Variants in GNB1 observed in about 807,000 individuals in gnomAD.
GNB1 encodes G protein subunit beta 1, also known as guanine nucleotide-binding protein G(I)/G(S)/G(T) subunit beta-1.
A neutral mutation model predicts 42.9 loss-of-function variants in GNB1; 2 were observed. The observed-to-expected ratio is 0.05, with a 90% CI of 0.02 to 0.15. The LOEUF is 0.15. GNB1 is among the 10% of genes least tolerant of loss of function. The pLI, the probability that GNB1 is intolerant of heterozygous loss-of-function variation, is 1.00. For missense variants in GNB1, 193 were observed against 462.2 expected (o/e 0.42, Z 5.34); for synonymous variants, 183 against 174.7 (o/e 1.05, Z -0.38).
chr1:1,834,348 C>CA (rs756308367), intron 2 of GNB1, among the ~76,000 whole-genome samples: 6 of 152,106 alleles, frequency 3.9e-5, no homozygotes, highest in South Asian at 2.1e-4. Flanking sequence ...TCATGCATCA[C>CA]AAAAAACATC....
At chr1:1,822,263 C>T (rs910522378) in intron 3 of GNB1, among the ~76,000 whole-genome samples, 17 of 151,706 alleles carry the variant, frequency 1.1e-4, no homozygotes, top group Non-Finnish European at 1.3e-4. Context: ...CTGGGATTAA[C>T]GGCATGAGCC....
chr1:1,822,993 C>T (rs1174790998), intron 3 of GNB1, among the ~76,000 whole-genome samples: 3 of 151,732 alleles, frequency 2.0e-5, no homozygotes, highest in Admixed American at 6.6e-5. Context: ...CTGTAATCCC[C>T]GCACTTTGGG....
intron 2 of GNB1, among the ~76,000 whole-genome samples, chr1:1,827,406 A>G (rs2101014140): frequency 6.6e-6 from 1 of 152,324 alleles, no homozygotes; most frequent in Non-Finnish European, 1.5e-5. Flanking sequence ...GCATTATTTG[A>G]AACGGATGTT....
intron 2 of GNB1, among the ~76,000 whole-genome samples, chr1:1,833,205 A>T (rs534094458): frequency 6.6e-6 from 1 of 152,298 alleles, no homozygotes; most frequent in South Asian, 2.1e-4. Context: ...CCGGGGCAGG[A>T]AATTTGCTAA....
intron 7 of GNB1, among the ~76,000 whole-genome samples, chr1:1,796,229 G>A (rs1202602106): frequency 6.6e-6 from 1 of 152,186 alleles, no homozygotes; most frequent in Non-Finnish European, 1.5e-5. Flanking sequence ...CAGTGCGGCT[G>A]GAGAGCAGGA....
At chr1:1,889,666 A>AG (rs1650362810) in intron 1 of GNB1, among the ~76,000 whole-genome samples, 1 of 151,948 alleles carries the variant, frequency 6.6e-6, no homozygotes, top group African/African-American at 2.4e-5. Flanking sequence ...TCTTAAAAAA[A>AG]AAAAAAAAAA....
intron 1 of GNB1, among the ~76,000 whole-genome samples, chr1:1,874,858 G>A (rs1649453667): frequency 6.6e-6 from 1 of 152,044 alleles, no homozygotes; most frequent in Non-Finnish European, 1.5e-5. Flanking sequence ...AATCCTTACA[G>A]CAGCGGTCAC....
intron 1 of GNB1, among the ~76,000 whole-genome samples, chr1:1,886,174 C>T (rs56734233): frequency 7.7e-4 from 117 of 151,994 alleles, no homozygotes; most frequent in African/African-American, 2.6e-3. Context: ...AAAAATTATC[C>T]GGGCATGACG....
At chr1:1,888,121 C>T (rs1650256141) in intron 1 of GNB1, among the ~76,000 whole-genome samples, 1 of 152,166 alleles carries the variant, frequency 6.6e-6, no homozygotes, top group Admixed American at 6.6e-5. Flanking sequence ...GATGAGATAA[C>T]TATGGTTCTG....
intron 5 of GNB1, among the ~76,000 whole-genome samples, chr1:1,811,656 A>G (rs1383814598): frequency 6.6e-6 from 1 of 151,508 alleles, no homozygotes; most frequent in African/African-American, 2.4e-5. Flanking sequence ...AGACAGCACC[A>G]TTGCACTCTA....
intron 7 of GNB1, among the ~76,000 whole-genome samples, chr1:1,795,959 C>T (rs1180538728): frequency 6.6e-6 from 1 of 152,058 alleles, no homozygotes; most frequent in African/African-American, 2.4e-5. Flanking sequence ...GGGGAATGAC[C>T]GAATGTATAA....
chr1:1,809,720 A>C (rs777413481), intron 5 of GNB1, among the ~76,000 whole-genome samples: 54 of 152,094 alleles, frequency 3.6e-4, no homozygotes, highest in South Asian at 1.5e-3. Context: ...CTGTCCACTG[A>C]TCCTCCAGAA....
intron 1 of GNB1, among the ~76,000 whole-genome samples, chr1:1,864,268 A>T (rs1648788526): frequency 2.3e-5 from 3 of 132,856 alleles, no homozygotes; most frequent in African/African-American, 8.3e-5. Context: ...GTGTGCCAAG[A>T]TCGTGCCACT....
At chr1:1,822,300 CTTTTTTTT>C (rs33922220) in intron 3 of GNB1, among the ~76,000 whole-genome samples, 8 of 97,736 alleles carry the variant, frequency 8.2e-5, no homozygotes, top group Non-Finnish European at 1.6e-4. Flanking sequence ...TCTCTTTTTA[CTTTTTTTT>C]TTTTTTTTTT....
At chr1:1,835,484 G>C (rs527243378) in intron 2 of GNB1, among the ~76,000 whole-genome samples, 2 of 152,262 alleles carry the variant, frequency 1.3e-5, no homozygotes, top group African/African-American at 4.8e-5. Flanking sequence ...TATGAAAGCA[G>C]GTGTAAAACT....
At chr1:1,881,252 G>A (rs1229573002) in intron 1 of GNB1, among the ~76,000 whole-genome samples, 8 of 151,894 alleles carry the variant, frequency 5.3e-5, no homozygotes, top group Admixed American at 2.6e-4. Context: ...CTTATCAATC[G>A]TCAACCTGGT....
intron 1 of GNB1, among the ~76,000 whole-genome samples, chr1:1,870,852 C>T (rs1010940598): frequency 4.3e-4 from 66 of 151,850 alleles, no homozygotes; most frequent in African/African-American, 1.5e-3. Context: ...GCAGGAGAAT[C>T]GCTTGAACCT....
chr1:1,793,523 T>TCCCACAGAGA (rs1341390110), intron 7 of GNB1: 2 of 421,356 alleles, frequency 4.7e-6, no homozygotes, highest in Non-Finnish European at 4.4e-6. Flanking sequence ...GGACAGCACG[T>TCCCACAGAGA]CCCACAGAGA....
chr1:1,832,075 A>AG (rs1276545710), intron 2 of GNB1, among the ~76,000 whole-genome samples: 1 of 151,712 alleles, frequency 6.6e-6, no homozygotes, highest in African/African-American at 2.4e-5. Flanking sequence ...AAAAAAAAAA[A>AG]AAAAGAAAAG....
Sources: allele counts gnomAD v4.1 joint callset (sites outside exome capture counted in the v4.1 genomes callset), GRCh38; gene constraint gnomAD v4.1.1; transcripts MANE v1.5; gene names NCBI Gene and HGNC (gene_info 2026-07-23, HGNC 2026-07-21).